CDH4: variants seen among roughly 807,000 people sequenced by gnomAD.
The protein encoded by CDH4 is cadherin 4, also known as cadherin-4.
CDH4 carries 33 observed loss-of-function variants against 86.0 expected under a neutral mutation model. The ratio of observed to expected loss-of-function variants is 0.38; its 90% CI spans 0.29 to 0.51. The LOEUF (loss-of-function observed/expected upper bound fraction) is 0.51, where lower values mean the gene tolerates loss of function less well. Among genes scored for constraint, CDH4 ranks in the 20% least tolerant of loss-of-function variants. The pLI is 0.86. For synonymous variants in CDH4, 555 were observed against 549.4 expected (o/e 1.01, Z -0.14); for missense variants, 1,114 against 1,307.4 (o/e 0.85, Z 2.28).
intron 2 of CDH4, among the ~76,000 whole-genome samples, chr20:61,683,780 CTG>C (rs1318549997): frequency 2.6e-5 from 4 of 152,238 alleles, no homozygotes. Flanking sequence ...AAGCCAGGCT[CTG>C]TGCTAAGTAA....
rs1555859328 is a variant in CDH4, at chr20:61,518,983, T to TC, written c.170-224579dup. On this transcript the variant is annotated intron_variant, in intron 2 of 15. Transcript: ENST00000614565. This position sits in a 1 kb window ranked among gnomAD's most constrained non-coding sequence, Gnocchi z 6.3. Reference sequence around the variant, plus strand: ...CATTATTTATCCATCCATCCATCCTTCATCCATCCATTCATCCATGCATTC... The same window carrying TC: ...CATTATTTATCCATCCATCCATCCTTCCATCCATCCATTCATCCATGCATTC... Among the ~76,000 whole-genome samples, 12 of 152,152 alleles carry TC rather than the reference T, an allele frequency of 7.9e-5. No homozygotes were observed. In the South Asian group the frequency reaches 2.5e-3, roughly 32 times the overall value.
intron 2 of CDH4, chr20:61,499,422 G>A: frequency 1.6e-6 from 2 of 1,287,314 alleles, no homozygotes; most frequent in Non-Finnish European, 2.0e-6. Flanking sequence ...GCCTGGTTCA[G>A]AACAAGGATT....
intron 2 of CDH4, among the ~76,000 whole-genome samples, chr20:61,694,699 T>A (rs1456604812): frequency 6.6e-6 from 1 of 151,926 alleles, no homozygotes; most frequent in East Asian, 1.9e-4. Flanking sequence ...GACACAGGGG[T>A]GTGAGGGTAC....
intron 7 of CDH4, among the ~76,000 whole-genome samples, chr20:61,874,763 G>A (rs760236904): frequency 5.2e-4 from 79 of 152,328 alleles, no homozygotes; most frequent in Middle Eastern, 3.4e-3. Context: ...TTTGCACTGT[G>A]CCCACAGAGG....
intron 2 of CDH4, among the ~76,000 whole-genome samples, chr20:61,726,732 C>T (rs995786496): frequency 6.6e-6 from 1 of 151,950 alleles, no homozygotes; most frequent in Admixed American, 6.6e-5. Flanking sequence ...CTGCCATCAT[C>T]ACCATTGCTG....
intron 2 of CDH4, among the ~76,000 whole-genome samples, chr20:61,523,284 T>C (rs2085886146): frequency 6.6e-6 from 1 of 152,226 alleles, no homozygotes; most frequent in Non-Finnish European, 1.5e-5. Flanking sequence ...CGTCTTTGGG[T>C]GGAGCTGCGG....
intron 2 of CDH4, among the ~76,000 whole-genome samples, chr20:61,651,785 C>G (rs2087123957): frequency 6.6e-6 from 1 of 152,206 alleles, no homozygotes; most frequent in Admixed American, 6.5e-5. Context: ...AGGATTCTCT[C>G]TGTCTTAATG....
chr20:61,547,168 T>C (rs2086093248), intron 2 of CDH4, among the ~76,000 whole-genome samples: 1 of 150,888 alleles, frequency 6.6e-6, no homozygotes, highest in Non-Finnish European at 1.5e-5. Flanking sequence ...TTTACTGGAT[T>C]CAGTCTCTCA....
At chr20:61,490,755 G>T (rs1348465545) in intron 2 of CDH4, among the ~76,000 whole-genome samples, 2 of 152,058 alleles carry the variant, frequency 1.3e-5, no homozygotes, top group East Asian at 3.9e-4. Context: ...GAGTGACGGG[G>T]GGCACTCCTG....
At chr20:61,617,336 G>A (rs573418175) in intron 2 of CDH4, among the ~76,000 whole-genome samples, 35 of 152,318 alleles carry the variant, frequency 2.3e-4, no homozygotes, top group African/African-American at 8.2e-4. Context: ...TGCTCAGTGA[G>A]CAGTTAAGGC....
chr20:61,651,634 T>G (rs115036370), intron 2 of CDH4, among the ~76,000 whole-genome samples: 3,591 of 152,300 alleles, frequency 0.024, 154 homozygotes, highest in African/African-American at 0.081. Flanking sequence ...ACCTCGCAGG[T>G]GGCCATCGGG....
chr20:61,304,507 G>A (rs951353599), intron 2 of CDH4, among the ~76,000 whole-genome samples: 4 of 152,014 alleles, frequency 2.6e-5, no homozygotes, highest in Non-Finnish European at 5.9e-5. Flanking sequence ...GTGTGTGTAT[G>A]TGCTGTGTTT....
intron 2 of CDH4, among the ~76,000 whole-genome samples, chr20:61,707,077 C>T (rs2145893094): frequency 6.6e-6 from 1 of 152,344 alleles, no homozygotes; most frequent in South Asian, 2.1e-4. Flanking sequence ...TGGGATAAAA[C>T]AGGAAGCTGA....
chr20:61,810,239 A>G lies in CDH4; in HGVS notation c.577-34429A>G, dbSNP rs1437544162. Among the ~76,000 whole-genome samples the G allele has an allele frequency of 6.6e-6, 1 of 152,188 alleles. No individual in the cohort carries two copies. Among genetic ancestry groups the G allele is most frequent in the Non-Finnish European group, 1.5e-5 (1 of 68,022 alleles). On this transcript the variant is annotated intron_variant, in intron 4 of 15. Transcript: ENST00000614565. The surrounding 1 kb of genome is among the most constrained non-coding windows in gnomAD (Gnocchi z 4.3). ...CCACTGGCAGACCCCGGGAAAGGCC[A>G]TGGCCACCCACATGGATGTGTGGGT...
chr20:61,813,020 G>T (rs1170146636), intron 4 of CDH4, among the ~76,000 whole-genome samples: 1 of 152,262 alleles, frequency 6.6e-6, no homozygotes. Flanking sequence ...GCAGGGCTGG[G>T]AGTCTCCACG....
rs186034695 is a variant in CDH4 at position 61,801,753 on chromosome 20, T to C, written c.576+28571T>C. On this transcript the variant is annotated intron_variant, in intron 4 of 15. Coordinates refer to ENST00000614565, the MANE Select transcript of CDH4 (RefSeq NM_001794.5). ...GGCAGCAGCACAGCCTCCTCCAGCC[T>C]CTCTCTGCTTTCTTTCCACATCACC... 1.5e-3 allele frequency among the ~76,000 whole-genome samples: 225 copies of C among 152,288 alleles called. 1 individual carries two copies. The highest frequency in any genetic ancestry group is 6.8e-3 in the Middle Eastern group (2 of 294).
At chr20:61,737,127 T>C (rs1044245403) in intron 2 of CDH4, among the ~76,000 whole-genome samples, 2 of 152,174 alleles carry the variant, frequency 1.3e-5, no homozygotes, top group African/African-American at 4.8e-5. Context: ...TCCTGCTGGA[T>C]GCTGGCCCTG....
At chr20:61,447,323 A>ATTTTTTTTTTTTTTTTTTTTT (rs71331923) in intron 2 of CDH4, among the ~76,000 whole-genome samples, 2 of 110,860 alleles carry the variant, frequency 1.8e-5, no homozygotes, top group Non-Finnish European at 1.8e-5. Flanking sequence ...CGCCCAGCTG[A>ATTTTTTTTTTTTTTTTTTTTT]TTTTTTTTTT....
intron 4 of CDH4, among the ~76,000 whole-genome samples, chr20:61,815,029 G>C (rs1980642207): frequency 6.6e-6 from 1 of 152,166 alleles, no homozygotes; most frequent in African/African-American, 2.4e-5. Context: ...TATCCTGCCT[G>C]GCTTTCCGGG....
Sources: allele counts gnomAD v4.1 joint callset (sites outside exome capture counted in the v4.1 genomes callset), GRCh38; gene constraint gnomAD v4.1.1; non-coding constraint Gnocchi (gnomAD v3.1); transcripts MANE v1.5; gene names NCBI Gene and HGNC (gene_info 2026-07-23, HGNC 2026-07-21).